Variants in MBD6 observed in about 807,000 individuals in gnomAD.
The protein encoded by MBD6 is methyl-CpG-binding domain protein 6.
MBD6 carries 22 observed loss-of-function variants against 66.8 expected under a neutral mutation model. The observed-to-expected ratio is 0.33, with a 90% CI of 0.24 to 0.47. MBD6 has a LOEUF of 0.47. Ranked by LOEUF, MBD6 falls within the 20% of genes least tolerant of loss-of-function variation. The pLI is 1.00. For missense variants in MBD6, 1,322 were observed against 1,286.9 expected, an observed-to-expected ratio of 1.03 and a Z score of -0.42; for synonymous variants, 540 against 534.6, an observed-to-expected ratio of 1.01 and a Z score of -0.14.
downstream of MBD6, chr12:57,530,829 A>ATG: frequency 7.1e-7 from 1 of 1,418,250 alleles, no homozygotes. Flanking sequence ...GCTTAACTGG[A>ATG]TGAGGACCTG....
rs1045161273 is a variant in MBD6 at position 57,528,690 on chromosome 12, T to A, written c.2845T>A (p.Ser949Thr). ...LKVPPGVVRKSRRGRRRKYNP... is the reference protein window; with the variant it reads ...LKVPPGVVRKTRRGRRRKYNP... Reference sequence around the variant, plus strand: ...GGTGCCCCCGGGAGTAGTCAGAAAGTCTCGTCGTGGCCGTAGGAGAAAATA... The same window carrying A: ...GGTGCCCCCGGGAGTAGTCAGAAAGACTCGTCGTGGCCGTAGGAGAAAATA... The change falls in exon 11 of 13, where the codon TCT becomes ACT. Residue 949 changes from serine (S) to threonine (T), a missense_variant. Coordinates refer to ENST00000355673, the MANE Select transcript of MBD6 (RefSeq NM_052897.4). 1 of 1,614,166 alleles carries A rather than the reference T, an allele frequency of 6.2e-7. No individual in the cohort carries two copies. The highest frequency in any genetic ancestry group is 8.5e-7 in the Non-Finnish European group (1 of 1,180,028).
chr12:57,520,950 G>A (rs28382835), upstream of MBD6: 254 of 154,008 alleles, frequency 1.6e-3, 1 homozygote, highest in African/African-American at 5.6e-3. Flanking sequence ...ACGGCTATCA[G>A]CCTTGGTCGC....
chr12:57,526,524 G>A (rs1878971885), intron 6 of MBD6, 42 bp from the exon 7 acceptor site: 18 of 1,513,218 alleles, frequency 1.2e-5, no homozygotes, highest in Non-Finnish European at 1.6e-5. Flanking sequence ...GATGATGGGA[G>A]AAAGGGCCTC....
In MBD6 at chr12:57,525,719, T is replaced by G. The variant is rs1399731061; in HGVS notation, c.751T>G (p.Ser251Ala). The change falls in exon 6 of 13, where the codon TCC (serine) becomes GCC (alanine). Residue 251 changes from serine (S) to alanine (A), a missense_variant. Ser to Ala is a moderately conservative substitution (Grantham distance 99). Coordinates refer to ENST00000355673, the MANE Select transcript of MBD6 (RefSeq NM_052897.4). ...GGGCTCTCCTCCGGCCCCTCATGCC[T>G]CCTCCTCACCACCTTCAGACCCTCC... is the stretch of plus-strand genomic sequence containing the variant. ...DLGSPPAPHA[S>A]SSPPSDPPLF... 2.5e-5 allele frequency: 41 copies of G among 1,613,570 alleles called. No individual in the cohort carries two copies. In the East Asian group the frequency reaches 8.0e-4, roughly 32 times the overall value.
upstream of MBD6, chr12:57,520,920 C>T (rs149822728): frequency 3.1e-3 from 481 of 155,470 alleles, 1 homozygote; most frequent in Admixed American, 6.9e-3. Flanking sequence ...GGCGCCAGCT[C>T]CCGGCGCCCA....
At position 57,525,695 on chromosome 12, in the gene MBD6, G is replaced by C. The variant is rs748105889; in HGVS notation, c.727G>C (p.Gly243Arg). ...ATCCAGCCTGGTGCCCTCTGACCTG[G>C]GCTCTCCTCCGGCCCCTCATGCCTC... is the stretch of plus-strand genomic sequence containing the variant. Reference protein sequence around the residue: ...LRSSLVPSDLGSPPAPHASSS... With the variant: ...LRSSLVPSDLRSPPAPHASSS... The change falls in exon 6 of 13, where the codon GGC (glycine) becomes CGC (arginine). Residue 243 changes from glycine (G) to arginine (R), a missense_variant. Physicochemically the swap from Gly to Arg is moderately radical, Grantham distance 125. Transcript: ENST00000355673. 1.9e-6 allele frequency: 3 copies of C among 1,613,930 alleles called. No individual in the cohort carries two copies. The highest frequency in any genetic ancestry group is 4.5e-5 in the East Asian group (2 of 44,856).
At position 57,525,777 on chromosome 12, in the gene MBD6, C is replaced by T. The variant is rs201319510; in HGVS notation, c.809C>T (p.Pro270Leu). The change falls in exon 6 of 13, where the codon CCT becomes CTT. Residue 270 changes from proline to leucine, a missense_variant. Pro to Leu is a moderately conservative substitution (Grantham distance 98, BLOSUM62 -3). Coordinates refer to ENST00000355673, the MANE Select transcript of MBD6 (RefSeq NM_052897.4). ...CACTGTAGTGATGCCTTAACACCCCCTCCCCTGCCCCCGAGCAATAATCTC... is the reference window on the plus strand; with the variant it reads ...CACTGTAGTGATGCCTTAACACCCCTTCCCCTGCCCCCGAGCAATAATCTC... ...LFHCSDALTP[P>L]PLPPSNNLPA... 1 of 1,613,642 alleles carries T rather than the reference C, an allele frequency of 6.2e-7. No individual in the cohort carries two copies. The highest frequency in any genetic ancestry group is 1.3e-5 in the African/African-American group (1 of 74,976).
At position 57,529,689 on chromosome 12, in the gene MBD6, G is replaced by A. The variant is rs578112772; in HGVS notation, c.*455G>A. ...CCCAGTGAAAGGTACAAAGCAATAA[G>A]CATCATGCATCCTCCCCTTACCCCT... is the stretch of plus-strand genomic sequence containing the variant. On this transcript the variant is annotated 3_prime_UTR_variant, in exon 13 of 13. Transcript: ENST00000355673. 2.5e-4 allele frequency: 42 copies of A among 167,708 alleles called. No individual in the cohort carries two copies. Among genetic ancestry groups the A allele is most frequent in the Non-Finnish European group, 4.3e-4 (33 of 75,996 alleles). The allele number at this position is 167,708 out of a possible 1,614,324, so 10.4% of individuals were successfully genotyped here. A position where few individuals can be genotyped will look rare whatever the true frequency, so the allele number is the denominator to read the frequency against.
upstream of MBD6, chr12:57,522,694 C>T (rs1174899816): frequency 6.6e-6 from 1 of 151,716 alleles, no homozygotes; most frequent in Non-Finnish European, 1.5e-5. Context: ...GGGGCCCGGC[C>T]CCGCCCCTCT....
At chr12:57,530,598 TAG>T, downstream of MBD6, 1 of 1,150,024 alleles carries the variant, frequency 8.7e-7, no homozygotes. Context: ...ATGGGGATGC[TAG>T]AGTTATAGTA....
chr12:57,522,776 G>GGCAGCA (rs1878472460), upstream of MBD6: 5 of 159,440 alleles, frequency 3.1e-5, no homozygotes, highest in African/African-American at 7.3e-5. Context: ...CGGCGGCAGC[G>GGCAGCA]GCAGCAGCCT....
Position 57,525,917 on chromosome 12 carries a change from C to G in MBD6, c.949C>G (p.Pro317Ala). 1 of 1,613,352 alleles carries G rather than the reference C, an allele frequency of 6.2e-7. No homozygotes were observed. The highest frequency in any genetic ancestry group is 8.5e-7 in the Non-Finnish European group (1 of 1,179,590). Reference sequence around the variant, plus strand: ...CACGGTGGAGGGGCCTGGGGCACCCCCCTTCCTTGCTAGCAGCCTACTCTC... The same window carrying G: ...CACGGTGGAGGGGCCTGGGGCACCCGCCTTCCTTGCTAGCAGCCTACTCTC... ...APTVEGPGAP[P>A]FLASSLLSAA... Residue 317 changes from proline to alanine, a missense_variant, in exon 6 of 13, where the codon CCC becomes GCC. Coordinates refer to ENST00000355673, the MANE Select transcript of MBD6 (RefSeq NM_052897.4).
chr12:57,527,344 C>T (rs1432043748), intron 7 of MBD6, 117 bp downstream of exon 7: 1 of 1,136,890 alleles, frequency 8.8e-7, no homozygotes, highest in East Asian at 2.5e-5. Flanking sequence ...TTGGGGAGGC[C>T]TTAGTTCTTG....
In MBD6 at chr12:57,525,620, C is replaced by CCTGCTA; in HGVS notation, c.653_658dup (p.Ala219_Ile220insThrAla). On this transcript the variant is annotated inframe_insertion, in exon 6 of 13. Coordinates refer to ENST00000355673, the MANE Select transcript of MBD6 (RefSeq NM_052897.4). ...CCCCTCTCCAGCCCCACCTCCTCCA[C>CCTGCTA]CTGCTATCAGCCTCAATGCTCCCTC... 6.2e-7 allele frequency: 1 copy of CCTGCTA among 1,613,692 alleles called. No individual in the cohort carries two copies. The highest frequency in any genetic ancestry group is 8.5e-7 in the Non-Finnish European group (1 of 1,179,788).
chr12:57,528,366 C>G lies in MBD6; in HGVS notation c.2626C>G (p.Arg876Gly), dbSNP rs369393480. 6.2e-7 allele frequency: 1 copy of G among 1,612,324 alleles called. No homozygotes were observed. Among genetic ancestry groups the G allele is most frequent in the East Asian group, 2.2e-5 (1 of 44,876 alleles). ...RGINGEARPA[R>G]GRKPGSRREP... ...CATTAATGGTGAGGCCAGGCCAGCCCGGGGCCGAAAGCCTGGCAGCCGGCG... is the reference window on the plus strand; with the variant it reads ...CATTAATGGTGAGGCCAGGCCAGCCGGGGGCCGAAAGCCTGGCAGCCGGCG... The change falls in exon 10 of 13, where the codon CGG becomes GGG. Residue 876 changes from arginine to glycine, a missense_variant. Arg to Gly is a moderately radical substitution (Grantham distance 125). Transcript: ENST00000355673.
Position 57,525,097 on chromosome 12 carries a change from T to G in MBD6, c.361T>G (p.Cys121Gly), listed in dbSNP as rs1201494681. 1 of 1,609,890 alleles carries G rather than the reference T, an allele frequency of 6.2e-7. No individual in the cohort carries two copies. The change falls in exon 5 of 13, where the codon TGC (cysteine) becomes GGC (glycine). Residue 121 changes from cysteine to glycine, a missense_variant. Transcript: ENST00000355673. ...TCTGTACCGCAGCATGGAGACCACCTGCTCACACTCTTCTCCTGGTGAGTC... is the reference window on the plus strand; with the variant it reads ...TCTGTACCGCAGCATGGAGACCACCGGCTCACACTCTTCTCCTGGTGAGTC... Reference protein sequence around the residue: ...ATLYRSMETTCSHSSPGEGAS... With the variant: ...ATLYRSMETTGSHSSPGEGAS...
rs778657587 is a variant in MBD6, at chr12:57,529,202, G to A, written c.2980G>A (p.Ala994Thr). The change falls in exon 13 of 13, where the codon GCC (alanine) becomes ACC (threonine). Residue 994 changes from alanine to threonine, a missense_variant. Ala to Thr is a moderately conservative substitution (Grantham distance 58, BLOSUM62 0). Coordinates refer to ENST00000355673, the MANE Select transcript of MBD6 (RefSeq NM_052897.4). ...LPPRARPGRP[A>T]KNKRRKLAP ...TCCCCGGGCCCGCCCTGGCCGTCCT[G>A]CCAAAAACAAGAGGAGGAAACTGGC... 2.5e-6 allele frequency: 4 copies of A among 1,614,098 alleles called. No homozygotes were observed. The highest frequency in any genetic ancestry group is 3.4e-6 in the Non-Finnish European group (4 of 1,179,986).
At chr12:57,523,552 C>T (rs190201550) in intron 1 of MBD6, among the ~76,000 whole-genome samples, 48 of 152,292 alleles carry the variant, frequency 3.2e-4, no homozygotes, top group African/African-American at 1.1e-3. Flanking sequence ...TGAACTATAT[C>T]AGCGATTGTC....
chr12:57,527,208 C>G lies in MBD6; in HGVS notation c.2063C>G (p.Pro688Arg), dbSNP rs190299278. 3.4e-4 allele frequency: 509 copies of G among 1,511,790 alleles called. 1 individual carries two copies. Among genetic ancestry groups the G allele is most frequent in the Admixed American group, 1.1e-3 (49 of 44,660 alleles). The allele number at this position is 1,511,790 out of a possible 1,614,324, so 93.6% of individuals were successfully genotyped here. A position where few individuals can be genotyped will look rare whatever the true frequency, so the allele number is the denominator to read the frequency against. Residue 688 changes from proline (P) to arginine (R), a missense_variant, in exon 7 of 13, where the codon CCC becomes CGC. Coordinates refer to ENST00000355673, the MANE Select transcript of MBD6 (RefSeq NM_052897.4). ...CTGCTGGCTGCCACCCTGGATCCCC[C>G]CTCGGGGACACCCCCCCAGGTGAGG... ...SALLAATLDP[P>R]SGTPPQPCVL...
Sources: gnomAD v4.1 joint callset for allele counts (sites outside exome capture counted in the v4.1 genomes callset) on GRCh38, gnomAD v4.1.1 for gene constraint, MANE v1.5 for transcripts, NCBI Gene and HGNC (gene_info 2026-07-23, HGNC 2026-07-21) for gene names.